The following CAMK1D variants were observed in gnomAD, a reference collection of about 807,000 sequenced individuals.
The protein encoded by CAMK1D is calcium/calmodulin dependent protein kinase ID.
In CAMK1D, 9 loss-of-function variants were observed where a neutral mutation model predicts 47.7. That is an observed-to-expected ratio of 0.19 (90% confidence interval 0.11 to 0.33). The LOEUF (loss-of-function observed/expected upper bound fraction) is 0.33, where lower values mean the gene tolerates loss of function less well. Among genes scored for constraint, CAMK1D ranks in the 10% least tolerant of loss-of-function variants. The pLI, the probability that CAMK1D is intolerant of heterozygous loss-of-function variation, is 1.00. For missense variants in CAMK1D, 291 were observed against 488.7 expected (o/e 0.60, Z 3.81); for synonymous variants, 184 against 184.9 (o/e 0.99, Z 0.04).
At chr10:12,773,514 T>C (rs1382650242) in intron 5 of CAMK1D, among the ~76,000 whole-genome samples, 1 of 152,248 alleles carries the variant, frequency 6.6e-6, no homozygotes, top group Non-Finnish European at 1.5e-5. Context: ...TTATTTGTAT[T>C]GTTTTTTCAA....
At chr10:12,378,890 A>G (rs531710594) in intron 1 of CAMK1D, among the ~76,000 whole-genome samples, 3 of 150,188 alleles carry the variant, frequency 2.0e-5, no homozygotes, top group South Asian at 2.1e-4. Flanking sequence ...GCTCACTGCA[A>G]CCTTCGCCTC....
At chr10:12,531,785 C>T (rs550867550) in intron 1 of CAMK1D, among the ~76,000 whole-genome samples, 6 of 152,248 alleles carry the variant, frequency 3.9e-5, no homozygotes, top group Non-Finnish European at 8.8e-5. Context: ...ATGTTCTCAT[C>T]ATGTTCTCTC....
intron 1 of CAMK1D, among the ~76,000 whole-genome samples, chr10:12,352,588 C>T (rs1837384507): frequency 6.6e-6 from 1 of 151,190 alleles, no homozygotes; most frequent in African/African-American, 2.4e-5. Flanking sequence ...CAGCCTGGGC[C>T]ACAGAGTGAG....
intron 1 of CAMK1D, among the ~76,000 whole-genome samples, chr10:12,370,729 C>T (rs1347692018): frequency 6.6e-6 from 1 of 152,170 alleles, no homozygotes; most frequent in African/African-American, 2.4e-5. Context: ...CTGCCACAGC[C>T]TCCTGAGTAG....
chr10:12,752,678 C>T lies in CAMK1D; in HGVS notation c.300-8270C>T, dbSNP rs547107602. 3.9e-5 allele frequency among the ~76,000 whole-genome samples: 6 copies of T among 152,276 alleles called. No homozygotes were observed. In the South Asian group the frequency reaches 8.3e-4, roughly 21 times the overall value. ...GCATCTTTTAGGCTTGTCATAGAATCGGGGTCCTATCAATTTGTCTTCACG... is the reference window on the plus strand; with the variant it reads ...GCATCTTTTAGGCTTGTCATAGAATTGGGGTCCTATCAATTTGTCTTCACG... On this transcript the variant is annotated intron_variant, in intron 3 of 10. Transcript: ENST00000619168.
At chr10:12,653,719 G>C (rs150091299) in intron 2 of CAMK1D, among the ~76,000 whole-genome samples, 1 of 152,302 alleles carries the variant, frequency 6.6e-6, no homozygotes, top group East Asian at 1.9e-4. Context: ...TTCCCTCTCT[G>C]TTTTTCATCT....
intron 1 of CAMK1D, among the ~76,000 whole-genome samples, chr10:12,358,904 C>T (rs1003164000): frequency 4.6e-5 from 7 of 152,134 alleles, no homozygotes; most frequent in South Asian, 2.1e-4. Flanking sequence ...GGGAAGAACA[C>T]GTCAGTATCT....
intron 1 of CAMK1D, among the ~76,000 whole-genome samples, chr10:12,516,463 T>C (rs755280177): frequency 1.2e-4 from 18 of 151,416 alleles, no homozygotes; most frequent in Non-Finnish European, 2.4e-4. Context: ...TAGGTTTCTA[T>C]GTGAACATAT....
At chr10:12,544,144 G>T (rs1012709611) in intron 1 of CAMK1D, among the ~76,000 whole-genome samples, 4 of 152,168 alleles carry the variant, frequency 2.6e-5, no homozygotes, top group African/African-American at 9.7e-5. Context: ...TTTGCAATTT[G>T]TACAGCCTAT....
At chr10:12,505,846 G>C (rs969728985) in intron 1 of CAMK1D, among the ~76,000 whole-genome samples, 12 of 147,346 alleles carry the variant, frequency 8.1e-5, no homozygotes, top group African/African-American at 2.9e-4. Context: ...ATGATTTTCA[G>C]ACAGCTGTCA....
intron 8 of CAMK1D, among the ~76,000 whole-genome samples, chr10:12,818,001 A>T (rs529033404): frequency 1.3e-5 from 2 of 152,252 alleles, no homozygotes; most frequent in East Asian, 3.9e-4. Flanking sequence ...AGTGATTGTT[A>T]TGTAAGCACC....
At chr10:12,461,115 G>A (rs574218525) in intron 1 of CAMK1D, among the ~76,000 whole-genome samples, 1 of 152,294 alleles carries the variant, frequency 6.6e-6, no homozygotes, top group South Asian at 2.1e-4. Context: ...CAGCCAGCCT[G>A]TGAGGACAGG....
At chr10:12,462,736 G>C (rs1283125177) in intron 1 of CAMK1D, among the ~76,000 whole-genome samples, 1 of 152,102 alleles carries the variant, frequency 6.6e-6, no homozygotes, top group Non-Finnish European at 1.5e-5. Context: ...CTGTTTCCCA[G>C]GCTGGAGTGC....
At chr10:12,473,712 TG>T (rs1833817764) in intron 1 of CAMK1D, among the ~76,000 whole-genome samples, 1 of 152,156 alleles carries the variant, frequency 6.6e-6, no homozygotes, top group African/African-American at 2.4e-5. Context: ...ACCGCCCAGC[TG>T]CTGCTCTCAC....
intron 1 of CAMK1D, among the ~76,000 whole-genome samples, chr10:12,507,886 T>C (rs778364600): frequency 2.6e-5 from 4 of 152,196 alleles, no homozygotes; most frequent in Non-Finnish European, 4.4e-5. Context: ...GTTTGTATTC[T>C]AGAATTCACC....
Position 12,414,816 on chromosome 10 carries a change from G to A in CAMK1D, c.92+64906G>A, listed in dbSNP as rs373520718. On this transcript the variant is annotated intron_variant, in intron 1 of 10. Coordinates refer to ENST00000619168, the MANE Select transcript of CAMK1D (RefSeq NM_153498.4). ...ATTGATTGCCTTAATTCTCCATTTG[G>A]CTTGGCCTGTGTAGACATAGTTTTA... Among the ~76,000 whole-genome samples, 345 of 152,226 alleles carry A rather than the reference G, an allele frequency of 2.3e-3. 2 individuals are homozygous for A. The highest frequency in any genetic ancestry group is 7.5e-3 in the African/African-American group (312 of 41,526).
chr10:12,498,621 G>A (rs965233812), intron 1 of CAMK1D, among the ~76,000 whole-genome samples: 10 of 152,208 alleles, frequency 6.6e-5, no homozygotes, highest in African/African-American at 2.4e-4. Flanking sequence ...TCAGGGAGGG[G>A]CTAGGCCACA....
intron 2 of CAMK1D, among the ~76,000 whole-genome samples, chr10:12,570,495 A>G (rs1020500940): frequency 1.5e-4 from 23 of 151,902 alleles, no homozygotes; most frequent in African/African-American, 5.6e-4. Context: ...GCTGGCCAAC[A>G]TGGTGAAACC....
chr10:12,491,149 A>ATGTGTGTGTGTGTGTGTGTG lies in CAMK1D; in HGVS notation c.93-62074_93-62055dup, dbSNP rs3062692. ...CTGCATCACTGGAGGGTATGAGAGTATGTGTGTGTGTGTGTGTGTGTCTGC... is the reference window on the plus strand; with the variant it reads ...CTGCATCACTGGAGGGTATGAGAGTATGTGTGTGTGTGTGTGTGTGTGTGTGTGTGTGTGTGTGTGTCTGC... On this transcript the variant is annotated intron_variant, in intron 1 of 10. Transcript: ENST00000619168. Among the ~76,000 whole-genome samples the ATGTGTGTGTGTGTGTGTGTG allele has an allele frequency of 6.0e-5, 9 of 150,592 alleles. No individual in the cohort carries two copies. The East Asian group carries it at 1.8e-3, about 29-fold the overall frequency.
Sources: allele counts gnomAD v4.1 joint callset (sites outside exome capture counted in the v4.1 genomes callset), GRCh38; gene constraint gnomAD v4.1.1; transcripts MANE v1.5; gene names NCBI Gene and HGNC (gene_info 2026-07-23, HGNC 2026-07-21).